Variants in SPMAP2L observed in about 807,000 individuals in gnomAD.
SPMAP2L encodes the protein sperm microtubule associated protein 2-like.
chr4:56,552,441 A>G, the SPMAP2L span: 1 of 661,978 alleles, frequency 1.5e-6, no homozygotes, highest in Middle Eastern at 3.1e-4. Flanking sequence ...CATCAAATAC[A>G]GCATTGGTTT....
chr4:56,554,039 T>A, the SPMAP2L span, among the ~76,000 whole-genome samples: 1 of 152,096 alleles, frequency 6.6e-6, no homozygotes, highest in South Asian at 2.1e-4. Context: ...TTTAAGATTA[T>A]ATTCTATTGA....
At chr4:56,533,352 C>T in the SPMAP2L span, among the ~76,000 whole-genome samples, 290 of 152,298 alleles carry the variant, frequency 1.9e-3, 2 homozygotes, top group African/African-American at 6.8e-3. Context: ...ATCCTTTCCT[C>T]CTCGCTCTTA....
At chr4:56,589,330 C>G in the SPMAP2L span, among the ~76,000 whole-genome samples, 174 of 152,290 alleles carry the variant, frequency 1.1e-3, no homozygotes, top group African/African-American at 3.8e-3. Flanking sequence ...GTTTTGGTGA[C>G]TACGGCCTTA....
At chr4:56,547,242 CTTTTTT>C in the SPMAP2L span, among the ~76,000 whole-genome samples, 3 of 125,958 alleles carry the variant, frequency 2.4e-5, no homozygotes, top group African/African-American at 3.0e-5. Context: ...TACTAATTCT[CTTTTTT>C]TTTTTTTTTT....
chr4:56,559,363 T>C, the SPMAP2L span: 1 of 1,439,118 alleles, frequency 6.9e-7, no homozygotes, highest in Non-Finnish European at 9.1e-7. Flanking sequence ...AATTTTTTTT[T>C]ACCATTTTAT....
the SPMAP2L span, among the ~76,000 whole-genome samples, chr4:56,608,012 AAG>A: frequency 6.6e-6 from 1 of 151,324 alleles, no homozygotes. Flanking sequence ...AAAAAAAAAA[AAG>A]AAAGAAAGAA....
chr4:56,588,884 C>G, the SPMAP2L span, among the ~76,000 whole-genome samples: 2 of 152,278 alleles, frequency 1.3e-5, no homozygotes, highest in African/African-American at 4.8e-5. Flanking sequence ...ACAGGGTGTC[C>G]TTTCTCCACT....
the SPMAP2L span, among the ~76,000 whole-genome samples, chr4:56,619,603 T>G: frequency 6.6e-6 from 1 of 152,258 alleles, no homozygotes; most frequent in Non-Finnish European, 1.5e-5. Context: ...TATTCTGTTG[T>G]GTATATATAC....
At chr4:56,605,907 T>C in the SPMAP2L span, among the ~76,000 whole-genome samples, 1 of 152,232 alleles carries the variant, frequency 6.6e-6, no homozygotes, top group Non-Finnish European at 1.5e-5. Flanking sequence ...GTTGCTCTTC[T>C]TGTAACCATT....
chr4:56,623,679 A>T, the SPMAP2L span, among the ~76,000 whole-genome samples: 4 of 151,978 alleles, frequency 2.6e-5, no homozygotes, highest in Non-Finnish European at 5.9e-5. Context: ...GTCTCAAGAG[A>T]TCTGATGGGT....
the SPMAP2L span, among the ~76,000 whole-genome samples, chr4:56,540,127 A>G: frequency 0.014 from 2,189 of 152,268 alleles, 56 homozygotes; most frequent in African/African-American, 0.05. Context: ...ATTTAATGTA[A>G]TCTCATTTTA....
At chr4:56,535,500 G>C in the SPMAP2L span, among the ~76,000 whole-genome samples, 1 of 152,094 alleles carries the variant, frequency 6.6e-6, no homozygotes, top group Admixed American at 6.5e-5. Flanking sequence ...CCCCCTGCTT[G>C]CTCAATCGAT....
the SPMAP2L span, among the ~76,000 whole-genome samples, chr4:56,592,792 C>T: frequency 2.6e-5 from 4 of 152,018 alleles, no homozygotes; most frequent in South Asian, 6.2e-4. Flanking sequence ...GGGACAGCGC[C>T]GCGGCTGGGG....
the SPMAP2L span, among the ~76,000 whole-genome samples, chr4:56,554,601 A>C: frequency 2.0e-5 from 3 of 152,196 alleles, no homozygotes; most frequent in African/African-American, 7.2e-5. Context: ...ATTGTCTCCC[A>C]GTCTATGGTT....
At chr4:56,608,489 T>A in the SPMAP2L span, among the ~76,000 whole-genome samples, 1 of 152,096 alleles carries the variant, frequency 6.6e-6, no homozygotes, top group African/African-American at 2.4e-5. Flanking sequence ...GCCACTCCCA[T>A]CACAAGCCCA....
the SPMAP2L span, among the ~76,000 whole-genome samples, chr4:56,562,362 A>G: frequency 6.6e-6 from 1 of 152,136 alleles, no homozygotes; most frequent in Non-Finnish European, 1.5e-5. Context: ...CTTTAAAAAA[A>G]AAAAGCAAAA....
At chr4:56,625,263 G>A in the SPMAP2L span, among the ~76,000 whole-genome samples, 2 of 152,164 alleles carry the variant, frequency 1.3e-5, no homozygotes, top group Non-Finnish European at 2.9e-5. Context: ...ATTGTATCTA[G>A]GAAGTAACTA....
the SPMAP2L span, among the ~76,000 whole-genome samples, chr4:56,567,839 G>A: frequency 4.0e-5 from 6 of 151,228 alleles, no homozygotes; most frequent in African/African-American, 1.5e-4. Context: ...TTTTCATAAT[G>A]TTTCTTCTGT....
chr4:56,613,144 C>T, the SPMAP2L span, among the ~76,000 whole-genome samples: 13 of 152,298 alleles, frequency 8.5e-5, no homozygotes, highest in African/African-American at 3.1e-4. Flanking sequence ...GGCCCATGGC[C>T]ACCCTTGGTA....
Sources: gnomAD v4.1 joint callset for allele counts (sites outside exome capture counted in the v4.1 genomes callset) on GRCh38, gnomAD v4.1.1 for gene constraint, MANE v1.5 for transcripts, NCBI Gene and HGNC (gene_info 2026-07-23, HGNC 2026-07-21) for gene names.